BAZ2B: variants seen among roughly 807,000 people sequenced by gnomAD.
BAZ2B encodes bromodomain adjacent to zinc finger domain 2B.
Under a neutral mutation model 246.0 loss-of-function variants are expected in BAZ2B, and 91 were observed. The ratio of observed to expected loss-of-function variants is 0.37; its 90% confidence interval spans 0.31 to 0.44. The LOEUF is 0.44. BAZ2B is among the 20% of genes least tolerant of loss of function. The pLI is 1.00. For synonymous variants in BAZ2B, 855 were observed against 860.0 expected, an observed-to-expected ratio of 0.99 and a Z score of 0.10; for missense variants, 2,332 against 2,533.7, an observed-to-expected ratio of 0.92 and a Z score of 1.71.
chr2:159,677,959 T>C, the BAZ2B span, among the ~76,000 whole-genome samples: 1 of 152,100 alleles, frequency 6.6e-6, no homozygotes, highest in South Asian at 2.1e-4. Flanking sequence ...TACTTAAAGA[T>C]GAAAACTTAA....
chr2:159,542,211 T>G (rs1178830942), intron 2 of BAZ2B, among the ~76,000 whole-genome samples: 2 of 152,130 alleles, frequency 1.3e-5, no homozygotes, highest in Non-Finnish European at 2.9e-5. Flanking sequence ...TGGACCAATA[T>G]GCATTATGGA....
At chr2:159,562,894 C>G (rs2090016889) in intron 1 of BAZ2B, among the ~76,000 whole-genome samples, 1 of 151,990 alleles carries the variant, frequency 6.6e-6, no homozygotes, top group Non-Finnish European at 1.5e-5. Context: ...AAAAATCACT[C>G]AAATAAGCCA....
At chr2:159,628,227 GAA>G in the BAZ2B span, among the ~76,000 whole-genome samples, 1 of 152,194 alleles carries the variant, frequency 6.6e-6, no homozygotes, top group Admixed American at 6.5e-5. Context: ...TCAATATTGT[GAA>G]AATGGCCATA....
At chr2:159,454,173 C>T (rs192179494) in intron 3 of BAZ2B, among the ~76,000 whole-genome samples, 255 of 151,994 alleles carry the variant, frequency 1.7e-3, no homozygotes, top group Non-Finnish European at 3.0e-3. Context: ...TAAAAAACAT[C>T]CTATTAATCT....
intron 2 of BAZ2B, among the ~76,000 whole-genome samples, chr2:159,505,815 G>GT (rs1399874674): frequency 4.6e-5 from 7 of 152,280 alleles, no homozygotes; most frequent in African/African-American, 1.7e-4. Flanking sequence ...GTAACAGCAG[G>GT]TATGTGTATA....
intron 2 of BAZ2B, among the ~76,000 whole-genome samples, chr2:159,494,421 T>C (rs1193763155): frequency 6.6e-6 from 1 of 152,194 alleles, no homozygotes; most frequent in Non-Finnish European, 1.5e-5. Context: ...ATTACTACTA[T>C]ATAAATATAT....
chr2:159,538,164 T>C (rs1367431334), intron 2 of BAZ2B, among the ~76,000 whole-genome samples: 1 of 152,116 alleles, frequency 6.6e-6, no homozygotes, highest in Admixed American at 6.5e-5. Context: ...GTCTGGCTAA[T>C]TTTTGTATTT....
the BAZ2B span, among the ~76,000 whole-genome samples, chr2:159,688,556 C>A: frequency 2.0e-5 from 3 of 152,102 alleles, no homozygotes; most frequent in African/African-American, 7.2e-5. Flanking sequence ...CCAATACAGA[C>A]CGTCACATTT....
intron 3 of BAZ2B, among the ~76,000 whole-genome samples, chr2:159,472,815 T>C (rs1469086828): frequency 6.6e-6 from 1 of 152,230 alleles, no homozygotes; most frequent in Non-Finnish European, 1.5e-5. Flanking sequence ...TGAACCAGCC[T>C]TGCATCCCAG....
At position 159,389,531 on chromosome 2, in the gene BAZ2B, AT is replaced by A. The variant is rs749989084; in HGVS notation, c.3076-47del. The A allele has an allele frequency of 1.6e-4, 235 of 1,457,948 alleles. 1 individual carries two copies. Among genetic ancestry groups the A allele is most frequent in the Admixed American group, 2.2e-4 (9 of 40,900 alleles). The allele number at this position is 1,457,948 out of a possible 1,614,324, so 90.3% of individuals were successfully genotyped here. On this transcript the variant is annotated intron_variant, in intron 20 of 36. Coordinates refer to ENST00000392783, the MANE Select transcript of BAZ2B (RefSeq NM_013450.4). ...CACATATTCTTCTTAATCATTATAT[AT>A]GTTGGAATAAACTTAGAATTATGTA... is the stretch of plus-strand genomic sequence containing the variant.
At chr2:159,435,817 A>G (rs2072173476) in intron 8 of BAZ2B, among the ~76,000 whole-genome samples, 1 of 152,230 alleles carries the variant, frequency 6.6e-6, no homozygotes, top group African/African-American at 2.4e-5. Context: ...ATTTTAAAGC[A>G]GCAGTACTAA....
At chr2:159,540,592 C>T (rs2086544958) in intron 2 of BAZ2B, among the ~76,000 whole-genome samples, 1 of 152,328 alleles carries the variant, frequency 6.6e-6, no homozygotes, top group South Asian at 2.1e-4. Flanking sequence ...GTCTCTTGAA[C>T]ACAAGTTAGT....
intron 27 of BAZ2B, among the ~76,000 whole-genome samples, chr2:159,361,302 A>G (rs939574901): frequency 6.6e-6 from 1 of 152,244 alleles, no homozygotes; most frequent in Admixed American, 6.5e-5. Context: ...ATATGAATAG[A>G]CACTTCTCAA....
intron 2 of BAZ2B, among the ~76,000 whole-genome samples, chr2:159,533,078 A>T (rs2085541008): frequency 6.6e-6 from 1 of 152,180 alleles, no homozygotes; most frequent in Non-Finnish European, 1.5e-5. Flanking sequence ...TCTAAGCATG[A>T]CCTGATAGGG....
chr2:159,669,064 A>AG, the BAZ2B span, among the ~76,000 whole-genome samples: 59,492 of 150,894 alleles, frequency 0.39, 12,147 homozygotes, highest in African/African-American at 0.48. Flanking sequence ...TCTCAAAAAA[A>AG]AAAGAAAGAA....
chr2:159,423,155 AAC>A (rs2069088151), intron 13 of BAZ2B, among the ~76,000 whole-genome samples: 1 of 152,000 alleles, frequency 6.6e-6, no homozygotes, highest in African/African-American at 2.4e-5. Context: ...CTCTACTGAA[AAC>A]ACAAAAAAAT....
the BAZ2B span, among the ~76,000 whole-genome samples, chr2:159,622,424 A>T: frequency 6.6e-6 from 1 of 152,198 alleles, no homozygotes; most frequent in Non-Finnish European, 1.5e-5. Context: ...AAAAAAAATT[A>T]TGGGAGGATT....
intron 27 of BAZ2B, among the ~76,000 whole-genome samples, chr2:159,363,720 T>G (rs1322767734): frequency 6.6e-6 from 1 of 152,138 alleles, no homozygotes; most frequent in East Asian, 1.9e-4. Context: ...GCCTAATTCT[T>G]GAGTGTGGGA....
At chr2:159,350,750 T>G (rs891068646) in intron 27 of BAZ2B, among the ~76,000 whole-genome samples, 1 of 152,168 alleles carries the variant, frequency 6.6e-6, no homozygotes, top group African/African-American at 2.4e-5. Flanking sequence ...TTTTTGTATT[T>G]TTAGTAGAAA....
Sources: allele counts gnomAD v4.1 joint callset (sites outside exome capture counted in the v4.1 genomes callset), GRCh38; gene constraint gnomAD v4.1.1; transcripts MANE v1.5; gene names NCBI Gene and HGNC (gene_info 2026-07-23, HGNC 2026-07-21).